The following ORC2 variants were observed in gnomAD, a reference collection of about 807,000 sequenced individuals.
ORC2 encodes origin recognition complex protein 2 homolog.
Under a neutral mutation model 77.7 loss-of-function variants are expected in ORC2, and 37 were observed. That is an observed-to-expected ratio of 0.48 (90% CI 0.37 to 0.63). The LOEUF (loss-of-function observed/expected upper bound fraction) is 0.63, where lower values mean the gene tolerates loss of function less well. ORC2 is among the 20% of genes least tolerant of loss of function. ORC2 has a pLI of 0.00. For missense variants in ORC2, 557 were observed against 661.9 expected, an observed-to-expected ratio of 0.84 and a Z score of 1.74; for synonymous variants, 201 against 229.5, an observed-to-expected ratio of 0.88 and a Z score of 1.12.
Position 200,914,009 on chromosome 2 carries a change from A to C in ORC2, c.1467-17T>G, listed in dbSNP as rs1458275903. 1.7e-5 allele frequency: 24 copies of C among 1,442,352 alleles called. No individual in the cohort carries two copies. The highest frequency in any genetic ancestry group is 2.1e-5 in the Non-Finnish European group (22 of 1,047,038). The allele number at this position is 1,442,352 out of a possible 1,614,324, so 89.3% of individuals were successfully genotyped here. ...AAAATTCCCCTAAAAAAAAAAAAAA[A>C]CAGGAATTTAAATCCAAAAATGTTA... On this transcript the variant is annotated splice_polypyrimidine_tract_variant and intron_variant, in intron 15 of 17. Transcript: ENST00000234296.
At chr2:200,950,845 TC>T (rs2041341745) in intron 4 of ORC2, among the ~76,000 whole-genome samples, 1 of 152,228 alleles carries the variant, frequency 6.6e-6, no homozygotes, top group South Asian at 2.1e-4. Context: ...CTTGGTTTTA[TC>T]CAAACTCCTT....
intron 9 of ORC2, 55 bp downstream of exon 9, chr2:200,935,644 T>C: frequency 8.1e-7 from 1 of 1,241,086 alleles, no homozygotes; most frequent in Admixed American, 2.4e-5. Context: ...GGGTAGCCTA[T>C]CTTTGAAATA....
chr2:200,913,258 A>G (rs1264411691), intron 17 of ORC2, 37 bp downstream of exon 17: 8 of 1,476,364 alleles, frequency 5.4e-6, no homozygotes, highest in East Asian at 2.5e-5. Flanking sequence ...GATACGGACT[A>G]TTCCTGGCAT....
chr2:200,912,792 A>G (rs1432507210), intron 17 of ORC2, among the ~76,000 whole-genome samples: 1 of 152,190 alleles, frequency 6.6e-6, no homozygotes, highest in East Asian at 1.9e-4. Flanking sequence ...AAATCCACCT[A>G]TTTAAATAAA....
intron 13 of ORC2, among the ~76,000 whole-genome samples, chr2:200,923,826 A>T (rs1469911893): frequency 6.6e-6 from 1 of 152,182 alleles, no homozygotes; most frequent in South Asian, 2.1e-4. Context: ...ATAGTATGAG[A>T]GTTGAAACAA....
intron 15 of ORC2, among the ~76,000 whole-genome samples, chr2:200,917,761 G>A (rs2040681682): frequency 6.6e-6 from 1 of 152,100 alleles, no homozygotes; most frequent in South Asian, 2.1e-4. Context: ...TGCTTTGGGA[G>A]GAGGGTACAT....
At chr2:200,933,832 G>A (rs745367928) in intron 10 of ORC2, 44 bp downstream of exon 10, 2 of 1,076,650 alleles carry the variant, frequency 1.9e-6, no homozygotes, top group South Asian at 1.4e-5. Flanking sequence ...TATTTTTCAG[G>A]ACAGAGTAAA....
chr2:200,962,056 T>C (rs768768435), intron 1 of ORC2, among the ~76,000 whole-genome samples: 5 of 152,382 alleles, frequency 3.3e-5, no homozygotes, highest in African/African-American at 7.2e-5. Flanking sequence ...AGTGCATTTA[T>C]ACAAACATTT....
At chr2:200,935,441 A>G (rs1428100558) in intron 9 of ORC2, among the ~76,000 whole-genome samples, 1 of 152,252 alleles carries the variant, frequency 6.6e-6, no homozygotes, top group Non-Finnish European at 1.5e-5. Flanking sequence ...TCATTTTTAT[A>G]CAGTGGAATT....
Position 200,931,603 on chromosome 2 carries a change from CA to C in ORC2, c.808-156del, listed in dbSNP as rs1169133827. 3.9e-5 allele frequency among the ~76,000 whole-genome samples: 6 copies of C among 152,212 alleles called. No homozygotes were observed. In the East Asian group the frequency reaches 1.2e-3, roughly 29 times the overall value. On this transcript the variant is annotated intron_variant, in intron 10 of 17. Coordinates refer to ENST00000234296, the MANE Select transcript of ORC2 (RefSeq NM_006190.5). Reference sequence around the variant, plus strand: ...GGCAATGAGTATATCAACCGATAAACAAAATTCTTAAAAAATAATTTTTTTG... The same window carrying C: ...GGCAATGAGTATATCAACCGATAAACAAATTCTTAAAAAATAATTTTTTTG...
intron 1 of ORC2, among the ~76,000 whole-genome samples, chr2:200,962,607 TTC>T (rs2041601074): frequency 6.6e-6 from 1 of 152,210 alleles, no homozygotes; most frequent in African/African-American, 2.4e-5. Flanking sequence ...TTTAACCTTT[TTC>T]TTTTTTAGCT....
At chr2:200,948,906 A>C (rs1348827676) in intron 5 of ORC2, among the ~76,000 whole-genome samples, 1 of 151,892 alleles carries the variant, frequency 6.6e-6, no homozygotes, top group Non-Finnish European at 1.5e-5. Flanking sequence ...GAATATCTCT[A>C]TGTGATTCTC....
intron 12 of ORC2, 108 bp downstream of exon 12, chr2:200,926,660 A>G: frequency 9.8e-7 from 1 of 1,023,482 alleles, no homozygotes; most frequent in Non-Finnish European, 1.5e-6. Flanking sequence ...CAATCCTACT[A>G]CCGTGAAGGC....
intron 13 of ORC2, among the ~76,000 whole-genome samples, chr2:200,923,383 G>T (rs1486527858): frequency 6.6e-6 from 1 of 151,870 alleles, no homozygotes; most frequent in Non-Finnish European, 1.5e-5. Flanking sequence ...CGACTAGCTG[G>T]GATTACAGGT....
At chr2:200,934,594 G>A (rs2124984399) in intron 9 of ORC2, among the ~76,000 whole-genome samples, 1 of 151,066 alleles carries the variant, frequency 6.6e-6, no homozygotes, top group Admixed American at 6.6e-5. Flanking sequence ...CTCCCAAAGT[G>A]TTGGGATAAC....
chr2:200,912,010 GCTGA>G (rs1402635526), intron 17 of ORC2, among the ~76,000 whole-genome samples: 4 of 152,130 alleles, frequency 2.6e-5, no homozygotes, highest in African/African-American at 2.4e-5. Flanking sequence ...ATCTGACACT[GCTGA>G]CTATTTTCTC....
At position 200,934,073 on chromosome 2, in the gene ORC2, T is replaced by G. The variant is rs2040991085; in HGVS notation, c.709-99A>C. The G allele has an allele frequency of 8.7e-6, 5 of 574,746 alleles. No individual in the cohort carries two copies. The Admixed American group carries it at 9.6e-5, about 11-fold the overall frequency. The allele number at this position is 574,746 out of a possible 1,614,324, so 35.6% of individuals were successfully genotyped here. ...TAATGTAAAATAGGACACGTGAAAT[T>G]CTTTACTTGGTAGTATTTTCTTTTT... On this transcript the variant is annotated intron_variant, in intron 9 of 17. Coordinates refer to ENST00000234296, the MANE Select transcript of ORC2 (RefSeq NM_006190.5).
intron 7 of ORC2, among the ~76,000 whole-genome samples, chr2:200,939,036 C>G (rs1036527612): frequency 2.0e-5 from 3 of 149,996 alleles, no homozygotes; most frequent in Non-Finnish European, 4.4e-5. Flanking sequence ...GAAACTCTTC[C>G]TCAGGGGGAA....
chr2:200,942,804 CT>C, intron 5 of ORC2, 27 bp from the exon 6 acceptor site: 1 of 1,414,042 alleles, frequency 7.1e-7, no homozygotes, highest in Non-Finnish European at 9.9e-7. Flanking sequence ...ATATAAAAAC[CT>C]TTTAAAGGAC....
Sources: gnomAD v4.1 joint callset for allele counts (sites outside exome capture counted in the v4.1 genomes callset) on GRCh38, gnomAD v4.1.1 for gene constraint, MANE v1.5 for transcripts, NCBI Gene and HGNC (gene_info 2026-07-23, HGNC 2026-07-21) for gene names.